The following AIM2 variants were observed in gnomAD, a reference collection of about 807,000 sequenced individuals.
AIM2 encodes the protein absent in melanoma 2.
AIM2 carries 30 observed loss-of-function variants against 27.7 expected under a neutral mutation model. The observed-to-expected ratio is 1.08, with a 90% CI of 0.81 to 1.47. The LOEUF (loss-of-function observed/expected upper bound fraction) is 1.47, where lower values mean the gene tolerates loss of function less well. Ranked by LOEUF, AIM2 falls within the 40% of genes most tolerant of loss-of-function variation. The pLI is 0.00. For synonymous variants in AIM2, 141 were observed against 145.3 expected, an observed-to-expected ratio of 0.97 and a Z score of 0.21; for missense variants, 358 against 411.3, an observed-to-expected ratio of 0.87 and a Z score of 1.12.
chr1:159,086,249 G>A (rs939336804), intron 1 of AIM2, among the ~76,000 whole-genome samples: 2 of 152,208 alleles, frequency 1.3e-5, no homozygotes, highest in Non-Finnish European at 2.9e-5. Flanking sequence ...ACAAGGGTGA[G>A]GCAAAAATAT....
chr1:159,070,224 T>C (rs1229356035), intron 2 of AIM2, among the ~76,000 whole-genome samples: 7 of 152,242 alleles, frequency 4.6e-5, no homozygotes, highest in Non-Finnish European at 7.3e-5. Flanking sequence ...ATATCTACTT[T>C]CCCTTTAGAG....
chr1:159,136,104 A>G (rs979049381), intron 1 of AIM2, among the ~76,000 whole-genome samples: 1 of 152,110 alleles, frequency 6.6e-6, no homozygotes, highest in Non-Finnish European at 1.5e-5. Flanking sequence ...TACAGTGATC[A>G]CTATGGGCAG....
In AIM2 at chr1:159,084,806, CACACACACATACAG is replaced by C. The variant is rs1376951199; in HGVS notation, c.-15-18491_-15-18478del. On this transcript the variant is annotated intron_variant, in intron 1 of 2. Coordinates refer to the AIM2 transcript ENST00000368129. ...ACACACACACACACACACACACACA[CACACACACATACAG>C]ACACACACACACATCCCTCAGAGAT... Among the ~76,000 whole-genome samples, 1,021 of 150,602 alleles carry C rather than the reference CACACACACATACAG, an allele frequency of 6.8e-3. 11 individuals carry two copies. The highest frequency in any genetic ancestry group is 0.013 in the African/African-American group (544 of 40,628).
intron 1 of AIM2, among the ~76,000 whole-genome samples, chr1:159,112,250 C>T (rs771020670): frequency 6.6e-5 from 10 of 151,986 alleles, no homozygotes; most frequent in African/African-American, 1.9e-4. Context: ...AAGACACAGC[C>T]GCCAAATACT....
At chr1:159,145,133 C>G (rs923217257), upstream of AIM2, among the ~76,000 whole-genome samples, 3 of 152,124 alleles carry the variant, frequency 2.0e-5, no homozygotes, top group African/African-American at 7.2e-5. Flanking sequence ...CTGTGAGTAC[C>G]TCCCAGGAAG....
At chr1:159,116,646 A>G (rs1051077967) in intron 1 of AIM2, among the ~76,000 whole-genome samples, 4 of 152,088 alleles carry the variant, frequency 2.6e-5, no homozygotes, top group Non-Finnish European at 5.9e-5. Flanking sequence ...GAACACGTGG[A>G]CACAGGAAGG....
chr1:159,127,764 A>C (rs1426338359), intron 1 of AIM2, among the ~76,000 whole-genome samples: 1 of 152,086 alleles, frequency 6.6e-6, no homozygotes, highest in Non-Finnish European at 1.5e-5. Flanking sequence ...ATCTGCCTTG[A>C]CCTTGGACTT....
At chr1:159,089,635 A>G (rs753456861) in intron 1 of AIM2, among the ~76,000 whole-genome samples, 5 of 152,054 alleles carry the variant, frequency 3.3e-5, no homozygotes, top group Admixed American at 6.5e-5. Context: ...ATGCAAAACC[A>G]AACAAACAAA....
intron 1 of AIM2, among the ~76,000 whole-genome samples, chr1:159,094,024 G>A (rs1268223975): frequency 6.6e-6 from 1 of 152,000 alleles, no homozygotes; most frequent in Non-Finnish European, 1.5e-5. Flanking sequence ...ACAGGCGTGA[G>A]TCACTGCACA....
chr1:159,125,781 G>A (rs1557913679), intron 1 of AIM2, among the ~76,000 whole-genome samples: 1 of 152,180 alleles, frequency 6.6e-6, no homozygotes, highest in East Asian at 1.9e-4. Context: ...AGAGAGGAAG[G>A]TGTTTAAGTA....
At chr1:159,066,380 G>T (rs1056530221) in intron 3 of AIM2, 51 bp from the exon 4 acceptor site, 1 of 1,537,916 alleles carries the variant, frequency 6.5e-7, no homozygotes, top group South Asian at 1.3e-5. Context: ...AGGTACTATT[G>T]AAAGGACCTT....
the AIM2 span, among the ~76,000 whole-genome samples, chr1:159,056,854 C>G: frequency 3.3e-5 from 5 of 151,074 alleles, no homozygotes; most frequent in Non-Finnish European, 7.4e-5. Context: ...GAGGATGCAT[C>G]TGACGGGAGT....
At chr1:159,066,730 G>C (rs1656119988) in intron 3 of AIM2, among the ~76,000 whole-genome samples, 1 of 152,056 alleles carries the variant, frequency 6.6e-6, no homozygotes, top group South Asian at 2.1e-4. Context: ...ATCCAATACT[G>C]TCCTAAATGT....
At chr1:159,121,043 C>T (rs748812548) in intron 1 of AIM2, among the ~76,000 whole-genome samples, 3 of 152,090 alleles carry the variant, frequency 2.0e-5, no homozygotes, top group Non-Finnish European at 4.4e-5. Flanking sequence ...GTAACTTAAC[C>T]AACCTCCTAA....
chr1:159,120,332 C>T (rs561972234), intron 1 of AIM2, among the ~76,000 whole-genome samples: 1 of 152,240 alleles, frequency 6.6e-6, no homozygotes, highest in African/African-American at 2.4e-5. Context: ...ATTGTACAGT[C>T]ATGTTATCTA....
downstream of AIM2, among the ~76,000 whole-genome samples, chr1:159,061,865 G>T (rs552988441): frequency 3.0e-4 from 45 of 152,114 alleles, no homozygotes; most frequent in African/African-American, 1.1e-3. Context: ...TTGTGCTTTT[G>T]GTGTGATATC....
intron 1 of AIM2, among the ~76,000 whole-genome samples, chr1:159,125,406 T>C (rs987166794): frequency 6.6e-6 from 1 of 152,242 alleles, no homozygotes; most frequent in Non-Finnish European, 1.5e-5. Flanking sequence ...TAAGTCCATA[T>C]AGTGATTTTC....
At chr1:159,062,034 G>C (rs1655855194), downstream of AIM2, among the ~76,000 whole-genome samples, 1 of 152,062 alleles carries the variant, frequency 6.6e-6, no homozygotes, top group Non-Finnish European at 1.5e-5. Context: ...ATTTTTTTAA[G>C]TATGGATATC....
rs752920881 is a variant in AIM2 at position 159,062,747 on chromosome 1, G to A, written c.1006-29C>T. ...GATGGAGAAAAAAAACATGCAGTCTGAGATGCAGTCGATGAGTGGCCCCTC... is the reference window on the plus strand; with the variant it reads ...GATGGAGAAAAAAAACATGCAGTCTAAGATGCAGTCGATGAGTGGCCCCTC... On this transcript the variant is annotated intron_variant, in intron 5 of 5. Coordinates refer to ENST00000368130, the MANE Select transcript of AIM2 (RefSeq NM_004833.3). 3 of 1,611,752 alleles carry A rather than the reference G, an allele frequency of 1.9e-6. No homozygotes were observed. The East Asian group carries it at 6.7e-5, about 36-fold the overall frequency.
Sources: gnomAD v4.1 joint callset for allele counts (sites outside exome capture counted in the v4.1 genomes callset) on GRCh38, gnomAD v4.1.1 for gene constraint, MANE v1.5 for transcripts, NCBI Gene and HGNC (gene_info 2026-07-23, HGNC 2026-07-21) for gene names.